Variants in GYG2 observed in about 807,000 individuals in gnomAD.
GYG2 encodes glycogenin 2.
Under a neutral mutation model 29.4 loss-of-function variants are expected in GYG2, and 29 were observed. The observed-to-expected ratio is 0.99, with a 90% CI of 0.74 to 1.35. GYG2 has a LOEUF of 1.35. Among genes scored for constraint, GYG2 ranks in the 40% most tolerant of loss-of-function variants. The pLI is 0.00. For missense variants in GYG2, 370 were observed against 385.7 expected (o/e 0.96, Z 0.34); for synonymous variants, 167 against 172.3 (o/e 0.97, Z 0.24).
intron 3 of GYG2, among the ~76,000 whole-genome samples, chrX:2,846,032 TACAC>T (rs1331272840): frequency 2.0e-5 from 1 of 50,911 alleles, no homozygotes; most frequent in Non-Finnish European, 4.1e-5. Context: ...CACATATATA[TACAC>T]ATATATATAT....
chrX:2,869,146 C>T (rs2088387817), intron 8 of GYG2, among the ~76,000 whole-genome samples: 1 of 112,161 alleles, frequency 8.9e-6, no homozygotes, highest in Non-Finnish European at 1.9e-5. Context: ...AAAATTGCAT[C>T]TGCACTCAAC....
chrX:2,868,608 A>G (rs1269344062), intron 8 of GYG2, among the ~76,000 whole-genome samples: 1 of 110,622 alleles, frequency 9.0e-6, no homozygotes, highest in Admixed American at 9.8e-5. Context: ...GTTATGGTCT[A>G]TATATTCTCT....
At chrX:2,858,965 T>C (rs2088089226) in intron 6 of GYG2, among the ~76,000 whole-genome samples, 1 of 111,620 alleles carries the variant, frequency 9.0e-6, no homozygotes. Flanking sequence ...ATATGATGAT[T>C]TGGGCTGCTG....
At chrX:2,870,906 T>C (rs1395523645) in intron 8 of GYG2, among the ~76,000 whole-genome samples, 1 of 112,124 alleles carries the variant, frequency 8.9e-6, no homozygotes, top group Non-Finnish European at 1.9e-5. Flanking sequence ...TCTTGTTGTA[T>C]GATAGTTAAT....
intron 2 of GYG2, among the ~76,000 whole-genome samples, chrX:2,839,590 G>A (rs2087450585): frequency 9.0e-6 from 1 of 111,110 alleles, no homozygotes; most frequent in South Asian, 3.9e-4. Flanking sequence ...GAGATAAAAA[G>A]TGATTGGTGG....
intron 3 of GYG2, among the ~76,000 whole-genome samples, chrX:2,843,660 C>T (rs969875271): frequency 5.4e-5 from 6 of 112,112 alleles, no homozygotes; most frequent in African/African-American, 1.6e-4. Flanking sequence ...GACAGGGTCT[C>T]GCTCTGTCGC....
chrX:2,843,633 G>T (rs1439668561), intron 3 of GYG2, among the ~76,000 whole-genome samples: 3 of 111,527 alleles, frequency 2.7e-5, no homozygotes, highest in African/African-American at 9.8e-5. Flanking sequence ...ATTCTTTTTT[G>T]TTTGTTTGTT....
rs755339483 is a variant in GYG2, at chrX:2,838,952, G to A, written c.8-4261G>A. On this transcript the variant is annotated intron_variant, in intron 2 of 10. Transcript: ENST00000398806. ...TGAACTTCTATTCCATGAAATGTCT[G>A]GTATTTCTGGGGTTCTTCCCATTCC... 4.8e-3 allele frequency among the ~76,000 whole-genome samples: 536 copies of A among 111,634 alleles called. 4 individuals carry two copies. Among genetic ancestry groups the A allele is most frequent in the Non-Finnish European group, 7.9e-3 (422 of 53,171 alleles).
intron 7 of GYG2, among the ~76,000 whole-genome samples, chrX:2,860,499 G>A (rs906924292): frequency 5.4e-5 from 6 of 110,616 alleles, no homozygotes; most frequent in Non-Finnish European, 1.1e-4. Flanking sequence ...TATAATGACA[G>A]CCCCTCGGTG....
intron 8 of GYG2, among the ~76,000 whole-genome samples, chrX:2,873,533 CCTCCTCTTT>C (rs1441234291): frequency 9.0e-6 from 1 of 110,708 alleles, no homozygotes; most frequent in African/African-American, 3.3e-5. Flanking sequence ...TCCTCCTCTT[CCTCCTCTTT>C]CTCCTCCTCC....
At chrX:2,879,881 G>T (rs1260293015) in intron 10 of GYG2, among the ~76,000 whole-genome samples, 2 of 110,763 alleles carry the variant, frequency 1.8e-5, no homozygotes, top group South Asian at 3.9e-4. Context: ...GATGACAGAT[G>T]ATTTATTGAT....
At chrX:2,860,623 A>G (rs1441840516) in intron 7 of GYG2, among the ~76,000 whole-genome samples, 5 of 98,920 alleles carry the variant, frequency 5.1e-5, no homozygotes, top group Admixed American at 2.3e-4. Flanking sequence ...TTTTTTCACT[A>G]AAGTAAAAAA....
At chrX:2,863,167 C>T (rs749278936) in intron 8 of GYG2, among the ~76,000 whole-genome samples, 5 of 108,591 alleles carry the variant, frequency 4.6e-5, no homozygotes, top group East Asian at 6.1e-4. Flanking sequence ...CTCTGCCTCC[C>T]GGGTTCACGC....
intron 6 of GYG2, 45 bp downstream of exon 6, chrX:2,856,669 G>A (rs1322896079): frequency 2.7e-6 from 3 of 1,113,060 alleles, no homozygotes; most frequent in South Asian, 2.0e-5. Context: ...TGCCACTACC[G>A]ATCCACCTTC....
intron 8 of GYG2, among the ~76,000 whole-genome samples, chrX:2,863,160 T>C (rs1257667622): frequency 2.8e-5 from 3 of 108,609 alleles, no homozygotes; most frequent in Admixed American, 9.7e-5. Flanking sequence ...CTGCAAGCTC[T>C]GCCTCCCGGG....
chrX:2,840,001 G>A lies in GYG2; in HGVS notation c.8-3212G>A, dbSNP rs943857648. On this transcript the variant is annotated intron_variant, in intron 2 of 10. Transcript: ENST00000398806. ...ACAACATTGCGCATGGACTAAATGC[G>A]AGTCACTTGTGCACTTTAAAATGGT... Among the ~76,000 whole-genome samples the A allele has an allele frequency of 2.7e-5, 3 of 111,940 alleles. No homozygotes were observed. In the East Asian group the frequency reaches 8.4e-4, roughly 31 times the overall value.
At chrX:2,851,582 C>T (rs2087874284) in intron 3 of GYG2, among the ~76,000 whole-genome samples, 1 of 111,194 alleles carries the variant, frequency 9.0e-6, no homozygotes, top group Non-Finnish European at 1.9e-5. Context: ...CATGATTAGA[C>T]TGAGGTTATG....
chrX:2,856,220 C>A (rs144314651), intron 5 of GYG2, among the ~76,000 whole-genome samples: 53 of 111,238 alleles, frequency 4.8e-4, no homozygotes, highest in African/African-American at 1.7e-3. Context: ...ATTAGGGGAC[C>A]AGTGGAATGC....
At chrX:2,858,354 T>C in intron 6 of GYG2, among the ~76,000 whole-genome samples, 1 of 111,290 alleles carries the variant, frequency 9.0e-6, no homozygotes, top group East Asian at 2.8e-4. Context: ...TAGTCTCAGC[T>C]ACTCGGGAGG....
Sources: gnomAD v4.1 joint callset for allele counts (sites outside exome capture counted in the v4.1 genomes callset) on GRCh38, gnomAD v4.1.1 for gene constraint, MANE v1.5 for transcripts, NCBI Gene and HGNC (gene_info 2026-07-23, HGNC 2026-07-21) for gene names.